Variants in ATRNL1 observed in about 807,000 individuals in gnomAD.
ATRNL1 encodes the protein attractin-like protein 1.
ATRNL1 carries 95 observed loss-of-function variants against 182.7 expected under a neutral mutation model. The ratio of observed to expected loss-of-function variants is 0.52; its 90% confidence interval spans 0.44 to 0.62. The LOEUF is 0.62. ATRNL1 is among the 20% of genes least tolerant of loss of function. The pLI is 0.00. For synonymous variants in ATRNL1, 576 were observed against 568.3 expected, an observed-to-expected ratio of 1.01 and a Z score of -0.19; for missense variants, 1,471 against 1,679.5, an observed-to-expected ratio of 0.88 and a Z score of 2.17.
chr10:115,803,698 A>G (rs1949852371), intron 27 of ATRNL1, among the ~76,000 whole-genome samples: 1 of 152,016 alleles, frequency 6.6e-6, no homozygotes, highest in Non-Finnish European at 1.5e-5. Context: ...TTCTCACTAT[A>G]GGCCATTTTT....
chr10:115,223,929 A>ATATATATATATATATATAT (rs1420143943), intron 9 of ATRNL1, among the ~76,000 whole-genome samples: 1 of 44,732 alleles, frequency 2.2e-5, no homozygotes, highest in African/African-American at 9.2e-5. Context: ...ATATATATAT[A>ATATATATATATATATATAT]TTTTTTTTTT....
intron 26 of ATRNL1, among the ~76,000 whole-genome samples, chr10:115,634,066 A>G (rs1326488578): frequency 6.6e-6 from 1 of 152,120 alleles, no homozygotes; most frequent in African/African-American, 2.4e-5. Context: ...TAAGTGTTAT[A>G]TGTAACATCT....
At chr10:115,469,977 A>G (rs1029086224) in intron 24 of ATRNL1, among the ~76,000 whole-genome samples, 4 of 150,604 alleles carry the variant, frequency 2.7e-5, no homozygotes, top group African/African-American at 9.7e-5. Context: ...GGATTTGTTC[A>G]TTCCTTTACA....
intron 28 of ATRNL1, among the ~76,000 whole-genome samples, chr10:115,937,763 G>A (rs1174706518): frequency 6.6e-6 from 1 of 152,150 alleles, no homozygotes; most frequent in African/African-American, 2.4e-5. Context: ...TCTGATTACA[G>A]TGAAATAAAA....
chr10:115,498,168 T>C (rs1849645050), intron 24 of ATRNL1, among the ~76,000 whole-genome samples: 1 of 152,170 alleles, frequency 6.6e-6, no homozygotes, highest in Non-Finnish European at 1.5e-5. Context: ...ATATTTTAAA[T>C]ACCATAGTAA....
chr10:115,303,102 A>G (rs1486990764), intron 17 of ATRNL1, among the ~76,000 whole-genome samples: 3 of 145,742 alleles, frequency 2.1e-5, no homozygotes, highest in African/African-American at 5.2e-5. Context: ...TCCCTCTTGT[A>G]ATTAATCCAG....
At chr10:115,152,870 T>A (rs890681532) in intron 5 of ATRNL1, among the ~76,000 whole-genome samples, 14 of 152,124 alleles carry the variant, frequency 9.2e-5, no homozygotes, top group Admixed American at 3.9e-4. Flanking sequence ...ATACCTCTTA[T>A]TATTTTGAGA....
chr10:115,449,815 A>C (rs919208451), intron 21 of ATRNL1, among the ~76,000 whole-genome samples: 1 of 152,182 alleles, frequency 6.6e-6, no homozygotes, highest in East Asian at 1.9e-4. Flanking sequence ...CATCATCCTC[A>C]TACCAAAACC....
intron 25 of ATRNL1, among the ~76,000 whole-genome samples, chr10:115,540,736 A>T (rs1852304642): frequency 6.9e-6 from 1 of 144,098 alleles, no homozygotes. Flanking sequence ...CAGCCTGGGC[A>T]ACAAGAGCAA....
chr10:115,766,342 G>T (rs1948858730), intron 27 of ATRNL1, among the ~76,000 whole-genome samples: 1 of 152,156 alleles, frequency 6.6e-6, no homozygotes, highest in Non-Finnish European at 1.5e-5. Context: ...CTGTGTGAAG[G>T]TATGTGCTGT....
At chr10:115,100,130 A>C (rs1843716218) in intron 1 of ATRNL1, among the ~76,000 whole-genome samples, 1 of 152,082 alleles carries the variant, frequency 6.6e-6, no homozygotes, top group Non-Finnish European at 1.5e-5. Context: ...TGCCTATACA[A>C]AAACATTTGA....
intron 9 of ATRNL1, among the ~76,000 whole-genome samples, chr10:115,223,929 A>ATATATATATTTTTTTTTTTT (rs1420143943): frequency 6.7e-5 from 3 of 44,728 alleles, no homozygotes; most frequent in African/African-American, 9.2e-5. Flanking sequence ...ATATATATAT[A>ATATATATATTTTTTTTTTTT]TTTTTTTTTT....
intron 26 of ATRNL1, among the ~76,000 whole-genome samples, chr10:115,597,319 T>G (rs1856306203): frequency 6.6e-6 from 1 of 152,102 alleles, no homozygotes; most frequent in South Asian, 2.1e-4. Context: ...TTACACAAAA[T>G]TATTGTTTTA....
intron 27 of ATRNL1, among the ~76,000 whole-genome samples, chr10:115,787,650 TC>T (rs1331792563): frequency 2.6e-5 from 4 of 152,240 alleles, no homozygotes; most frequent in African/African-American, 9.6e-5. Context: ...TGATCCAAGC[TC>T]CTATTTCATG....
chr10:115,584,589 G>A (rs1592896641), intron 26 of ATRNL1, among the ~76,000 whole-genome samples: 1 of 143,778 alleles, frequency 7.0e-6, no homozygotes, highest in East Asian at 2.3e-4. Flanking sequence ...TGGGATCGGT[G>A]GTGATATCTC....
intron 27 of ATRNL1, among the ~76,000 whole-genome samples, chr10:115,737,145 G>C (rs1947975319): frequency 6.6e-6 from 1 of 151,522 alleles, no homozygotes; most frequent in South Asian, 2.1e-4. Flanking sequence ...TACTTCATTG[G>C]GTAGGCACGG....
chr10:115,607,654 A>G (rs1359180389), intron 26 of ATRNL1, among the ~76,000 whole-genome samples: 1 of 151,872 alleles, frequency 6.6e-6, no homozygotes, highest in Admixed American at 6.6e-5. Context: ...CCCCAATTCC[A>G]GTATCTTTTC....
At chr10:115,509,260 G>A (rs1165265331) in intron 24 of ATRNL1, among the ~76,000 whole-genome samples, 1 of 152,006 alleles carries the variant, frequency 6.6e-6, no homozygotes, top group South Asian at 2.1e-4. Flanking sequence ...TCACTCAAGA[G>A]CTTTGAAGGT....
At chr10:115,453,976 C>T (rs1847404316) in intron 21 of ATRNL1, among the ~76,000 whole-genome samples, 1 of 151,754 alleles carries the variant, frequency 6.6e-6, no homozygotes, top group South Asian at 2.1e-4. Flanking sequence ...AAAAGAAATC[C>T]ATTGTGAAGT....
Sources: allele counts gnomAD v4.1 joint callset (sites outside exome capture counted in the v4.1 genomes callset), GRCh38; gene constraint gnomAD v4.1.1; transcripts MANE v1.5; gene names NCBI Gene and HGNC (gene_info 2026-07-23, HGNC 2026-07-21).